Variants in ITGB8 observed in about 807,000 individuals in gnomAD.
ITGB8 encodes integrin beta-8.
Under a neutral mutation model 89.5 loss-of-function variants are expected in ITGB8, and 30 were observed. The ratio of observed to expected loss-of-function variants is 0.34; its 90% CI spans 0.25 to 0.45. The LOEUF (loss-of-function observed/expected upper bound fraction) is 0.45. ITGB8 is among the 20% of genes least tolerant of loss of function. The probability of loss-of-function intolerance (pLI) is 1.00; values close to 1 mark genes in which losing one functional copy is unlikely to be tolerated. For missense variants in ITGB8, 836 were observed against 933.3 expected (o/e 0.90, Z 1.36); for synonymous variants, 335 against 320.4 (o/e 1.05, Z -0.49).
rs749116842 is a variant in ITGB8 at position 20,406,125 on chromosome 7, C to T, written c.1977C>T (p.Thr659=). The part of the protein sequence containing the change: ...LSQAILDQCK[T]SCALMEQQHY... ...AGGCTATACTTGATCAGTGCAAAAC[C>T]TCATGTGCTCTCATGGAACAACAGC... Residue 659 remains threonine, a synonymous_variant, in exon 12 of 14, where the codon ACC becomes ACT. Transcript: ENST00000222573. 2.5e-6 allele frequency: 4 copies of T among 1,613,152 alleles called. No individual in the cohort carries two copies. The highest frequency in any genetic ancestry group is 2.7e-5 in the African/African-American group (2 of 74,900).
At chr7:20,397,444 T>G (rs1371620873) in intron 8 of ITGB8, among the ~76,000 whole-genome samples, 2 of 152,222 alleles carry the variant, frequency 1.3e-5, no homozygotes, top group African/African-American at 4.8e-5. Flanking sequence ...CACGCTGGTC[T>G]GGAACTGCTG....
chr7:20,384,259 G>A (rs866393721), intron 6 of ITGB8, among the ~76,000 whole-genome samples: 53 of 152,254 alleles, frequency 3.5e-4, no homozygotes, highest in African/African-American at 1.3e-3. Flanking sequence ...AGCAGCCAAT[G>A]CCAATAATGT....
chr7:20,341,568 A>G (rs371535036), intron 1 of ITGB8, among the ~76,000 whole-genome samples: 193 of 152,352 alleles, frequency 1.3e-3, no homozygotes, highest in Middle Eastern at 3.4e-3. Flanking sequence ...GAAGGTATCC[A>G]AGGCCACATG....
At chr7:20,351,014 AGGG>A (rs1252759811) in intron 1 of ITGB8, among the ~76,000 whole-genome samples, 1 of 152,340 alleles carries the variant, frequency 6.6e-6, no homozygotes, top group African/African-American at 2.4e-5. Flanking sequence ...AATTCTGAAA[AGGG>A]TACCAAAGTA....
intron 3 of ITGB8, among the ~76,000 whole-genome samples, chr7:20,369,491 T>C (rs1287187345): frequency 6.6e-6 from 1 of 152,128 alleles, no homozygotes; most frequent in Non-Finnish European, 1.5e-5. Flanking sequence ...CAGTATCTCT[T>C]CTTAGAAGTG....
Position 20,345,056 on chromosome 7 carries a change from T to C in ITGB8, c.127+13123T>C, listed in dbSNP as rs1035594585. ...TTCTGTAGAGAGAAAGAAACCCAGA[T>C]GGGTAGTCAAGAATACTGGAGAAGG... On this transcript the variant is annotated intron_variant, in intron 1 of 13. Transcript: ENST00000222573. Among the ~76,000 whole-genome samples, 16 of 152,104 alleles carry C rather than the reference T, an allele frequency of 1.1e-4. No homozygotes were observed. The East Asian group carries it at 3.1e-3, about 29-fold the overall frequency.
At chr7:20,399,113 T>C in intron 9 of ITGB8, 119 bp downstream of exon 9, 1 of 1,038,614 alleles carries the variant, frequency 9.6e-7, no homozygotes, top group Non-Finnish European at 1.4e-6. Context: ...GAATCTTATT[T>C]ATACTTCAAG....
chr7:20,410,133 C>A lies in ITGB8; in HGVS notation c.*136C>A. 2 of 796,762 alleles carry A rather than the reference C, an allele frequency of 2.5e-6. No individual in the cohort carries two copies. Among genetic ancestry groups the A allele is most frequent in the Non-Finnish European group, 4.0e-6 (2 of 498,510 alleles). The allele number at this position is 796,762 out of a possible 1,614,324, so 49.4% of individuals were successfully genotyped here. Reference sequence around the variant, plus strand: ...TGCTGGTTGTACACTCGAACGAAGACTGACAAGTATCCTCATCATGATGTG... The same window carrying A: ...TGCTGGTTGTACACTCGAACGAAGAATGACAAGTATCCTCATCATGATGTG... On this transcript the variant is annotated 3_prime_UTR_variant, in exon 14 of 14. Transcript: ENST00000222573.
At chr7:20,359,371 A>T (rs1035423341) in intron 1 of ITGB8, among the ~76,000 whole-genome samples, 3 of 152,272 alleles carry the variant, frequency 2.0e-5, no homozygotes, top group African/African-American at 7.2e-5. Context: ...ATATTGCAAC[A>T]TCACTAGGCA....
In ITGB8 at chr7:20,380,648, T is replaced by C. The variant is rs1786341670; in HGVS notation, c.636-18T>C. 1.2e-6 allele frequency: 2 copies of C among 1,606,690 alleles called. No individual in the cohort carries two copies. Among genetic ancestry groups the C allele is most frequent in the Admixed American group, 1.7e-5 (1 of 59,816 alleles). ...AGAAGAGCAAAATAAACTTTACACT[T>C]CTTCTTTTCCCACACAGTGACTACA... On this transcript the variant is annotated intron_variant, in intron 4 of 13. Coordinates refer to ENST00000222573, the MANE Select transcript of ITGB8 (RefSeq NM_002214.3).
intron 6 of ITGB8, among the ~76,000 whole-genome samples, chr7:20,388,840 T>C (rs1216237671): frequency 6.6e-6 from 1 of 152,122 alleles, no homozygotes; most frequent in Non-Finnish European, 1.5e-5. Context: ...CCTGTGTCCA[T>C]GTGTTCTCAT....
rs377019059 is a variant in ITGB8, at chr7:20,376,121, A to G, written c.389-2930A>G. On this transcript the variant is annotated intron_variant, in intron 3 of 13. Transcript: ENST00000222573. Reference sequence around the variant, plus strand: ...TTAAAACCAATGGATATTGCCATTAAGCACGTGATGAAACTGAGGGTGCTG... The same window carrying G: ...TTAAAACCAATGGATATTGCCATTAGGCACGTGATGAAACTGAGGGTGCTG... Among the ~76,000 whole-genome samples the G allele has an allele frequency of 6.8e-4, 104 of 152,232 alleles. 1 individual carries two copies. The highest frequency in any genetic ancestry group is 2.5e-3 in the African/African-American group (102 of 41,520).
At chr7:20,386,628 C>T (rs546801292) in intron 6 of ITGB8, among the ~76,000 whole-genome samples, 2 of 151,882 alleles carry the variant, frequency 1.3e-5, no homozygotes, top group Admixed American at 1.3e-4. Flanking sequence ...AAAAGAGTGG[C>T]CTGGAAAGGA....
Position 20,380,779 on chromosome 7 carries a change from T to C in ITGB8, c.749T>C (p.Ile250Thr), listed in dbSNP as rs2127961213. 1 of 1,613,760 alleles carries C rather than the reference T, an allele frequency of 6.2e-7. No homozygotes were observed. ...AVHRQKISGN[I>T]DTPEGGFDAM... ...CATAGACAGAAGATCTCTGGAAACA[T>C]AGATACACCAGAAGGAGGTTTTGAC... The change falls in exon 5 of 14, where the codon ATA becomes ACA. Residue 250 changes from isoleucine (I) to threonine (T), a missense_variant. By Grantham distance (89) the Ile-to-Thr change is moderately conservative. This residue lies in a region of ITGB8 where 192 missense variants were observed against 267.1 expected (regional missense o/e 0.72). Transcript: ENST00000222573.
intron 6 of ITGB8, among the ~76,000 whole-genome samples, chr7:20,387,323 C>T (rs1386888923): frequency 6.6e-6 from 1 of 152,212 alleles, no homozygotes; most frequent in East Asian, 1.9e-4. Flanking sequence ...ACATGAACCG[C>T]TACTCATCAT....
Position 20,395,000 on chromosome 7 carries a change from G to A in ITGB8, c.1146+15G>A. ...AAGCCTATCAGGTATGTATATATTA[G>A]ATACAATTTTTTAAATAAAATTTTT... On this transcript the variant is annotated intron_variant, in intron 8 of 13. Transcript: ENST00000222573. The A allele has an allele frequency of 1.3e-6, 2 of 1,483,104 alleles. No individual in the cohort carries two copies. Among genetic ancestry groups the A allele is most frequent in the African/African-American group, 1.4e-5 (1 of 71,948 alleles). The allele number at this position is 1,483,104 out of a possible 1,614,324, so 91.9% of individuals were successfully genotyped here. A position where few individuals can be genotyped will look rare whatever the true frequency, so the allele number is the denominator to read the frequency against.
intron 9 of ITGB8, among the ~76,000 whole-genome samples, chr7:20,401,127 C>T (rs113118664): frequency 0.023 from 3,491 of 152,080 alleles, 115 homozygotes; most frequent in African/African-American, 0.072. Context: ...TACAGGTGCG[C>T]GCCACCATGC....
intron 1 of ITGB8, among the ~76,000 whole-genome samples, chr7:20,344,932 T>C (rs1260758299): frequency 6.6e-6 from 1 of 152,192 alleles, no homozygotes; most frequent in East Asian, 1.9e-4. Flanking sequence ...AAAGATCTGC[T>C]CTCATGGAGC....
chr7:20,362,146 C>T, intron 1 of ITGB8, among the ~76,000 whole-genome samples: 1 of 152,322 alleles, frequency 6.6e-6, no homozygotes. Flanking sequence ...CTCTACTCTT[C>T]TCCTACTACC....
Sources: allele counts gnomAD v4.1 joint callset (sites outside exome capture counted in the v4.1 genomes callset), GRCh38; gene constraint gnomAD v4.1.1; regional missense constraint gnomAD v4.1.1; transcripts MANE v1.5; gene names NCBI Gene and HGNC (gene_info 2026-07-23, HGNC 2026-07-21).